SREBF2: variants seen among roughly 807,000 people sequenced by gnomAD.
SREBF2 encodes sterol regulatory element-binding protein 2.
A neutral mutation model predicts 113.1 loss-of-function variants in SREBF2; 55 were observed. The ratio of observed to expected loss-of-function variants is 0.49; its 90% CI spans 0.39 to 0.61. SREBF2 has a LOEUF of 0.61. Among genes scored for constraint, SREBF2 ranks in the 20% least tolerant of loss-of-function variants. The probability of loss-of-function intolerance (pLI) is 0.00; values close to 1 mark genes in which losing one functional copy is unlikely to be tolerated. For missense variants in SREBF2, 1,349 were observed against 1,487.4 expected, an observed-to-expected ratio of 0.91 and a Z score of 1.53; for synonymous variants, 593 against 605.7, an observed-to-expected ratio of 0.98 and a Z score of 0.31.
At chr22:41,859,729 A>G (rs1362321143) in intron 1 of SREBF2, among the ~76,000 whole-genome samples, 1 of 151,350 alleles carries the variant, frequency 6.6e-6, no homozygotes, top group Non-Finnish European at 1.5e-5. Flanking sequence ...GCCACAATGT[A>G]CAGTTGAGAA....
chr22:41,850,770 A>C (rs2076920816), intron 1 of SREBF2, among the ~76,000 whole-genome samples: 1 of 151,694 alleles, frequency 6.6e-6, no homozygotes, highest in African/African-American at 2.4e-5. Context: ...TTTTTGAGAT[A>C]GCCTCTGTCC....
chr22:41,891,960 C>G lies in SREBF2; in HGVS notation c.2209-1157C>G, dbSNP rs566009163. On this transcript the variant is annotated intron_variant, in intron 11 of 18. Coordinates refer to ENST00000361204, the MANE Select transcript of SREBF2 (RefSeq NM_004599.4). ...CAGTGGGGTCCTGGAATGATGTTAT[C>G]CCGGCAAGTGGAGGAGGGGCCCAGT... 1.2e-4 allele frequency among the ~76,000 whole-genome samples: 18 copies of G among 152,316 alleles called. No individual in the cohort carries two copies. In the East Asian group the frequency reaches 3.1e-3, roughly 26 times the overall value.
In SREBF2 at chr22:41,905,803, C is replaced by T. The variant is rs1013004182; in HGVS notation, c.*143C>T. On this transcript the variant is annotated 3_prime_UTR_variant, in exon 19 of 19. Coordinates refer to ENST00000361204, the MANE Select transcript of SREBF2 (RefSeq NM_004599.4). ...CTTCTGGGCCACTCAGGCCAGTGCA[C>T]CCCTGGGCAGAGCCCCTTAAAGCTG... is the stretch of plus-strand genomic sequence containing the variant. The T allele has an allele frequency of 8.5e-6, 8 of 941,748 alleles. No homozygotes were observed. Among genetic ancestry groups the T allele is most frequent in the African/African-American group, 4.9e-5 (3 of 61,428 alleles). The allele number at this position is 941,748 out of a possible 1,614,324, so 58.3% of individuals were successfully genotyped here.
At chr22:41,849,092 C>T (rs1488173221) in intron 1 of SREBF2, among the ~76,000 whole-genome samples, 1 of 152,156 alleles carries the variant, frequency 6.6e-6, no homozygotes, top group African/African-American at 2.4e-5. Flanking sequence ...ACAGCAACAA[C>T]AGCTTTTTAA....
chr22:41,878,378 G>A (rs1203201660), intron 9 of SREBF2, among the ~76,000 whole-genome samples: 1 of 152,156 alleles, frequency 6.6e-6, no homozygotes, highest in Non-Finnish European at 1.5e-5. Context: ...GGCTTGAGCG[G>A]GGCTGCCAAG....
In SREBF2 at chr22:41,875,471, G is replaced by T. The variant is rs770365369; in HGVS notation, c.1204+20G>T. On this transcript the variant is annotated intron_variant, in intron 6 of 18. Transcript: ENST00000361204. ...AGAACAGTAAGTGTGCTGAGAAAAG[G>T]CTTGTCAGCCCTGGCCCAGGTGGGG... 3.1e-6 allele frequency: 5 copies of T among 1,614,192 alleles called. No individual in the cohort carries two copies. Among genetic ancestry groups the T allele is most frequent in the Non-Finnish European group, 4.2e-6 (5 of 1,180,004 alleles).
intron 11 of SREBF2, among the ~76,000 whole-genome samples, chr22:41,890,001 GAA>G (rs1369938190): frequency 1.3e-5 from 2 of 151,480 alleles, no homozygotes; most frequent in Non-Finnish European, 2.9e-5. Context: ...TCAAAAGAAA[GAA>G]AGAGAGAGAA....
chr22:41,883,723 G>A (rs1171630664), intron 10 of SREBF2, among the ~76,000 whole-genome samples: 2 of 152,178 alleles, frequency 1.3e-5, no homozygotes, highest in East Asian at 3.9e-4. Flanking sequence ...GAGTGTGGAG[G>A]CTGAGATCTC....
chr22:41,904,955 C>G lies in SREBF2; in HGVS notation c.3186C>G (p.Thr1062=). 6.3e-7 allele frequency: 1 copy of G among 1,597,852 alleles called. No homozygotes were observed. The highest frequency in any genetic ancestry group is 1.3e-5 in the African/African-American group (1 of 74,934). The change falls in exon 18 of 19, where the codon ACC becomes ACG. Residue 1062 remains threonine (T), a synonymous_variant. Coordinates refer to ENST00000361204, the MANE Select transcript of SREBF2 (RefSeq NM_004599.4). ...TGGAACACAGCCTGCGGCGGCGCAC[C>G]ACGCAGAGCACCAAGCACGGTGAGT... ...QLLEHSLRRR[T]TQSTKHGEVD...
rs1359736022 is a variant in SREBF2 at position 41,893,111 on chromosome 22, C to A, written c.2209-6C>A. 6.2e-7 allele frequency: 1 copy of A among 1,613,092 alleles called. No homozygotes were observed. The highest frequency in any genetic ancestry group is 1.7e-5 in the Admixed American group (1 of 60,030). ...GGTGTTACCCCTGGTCCTTGTCCTT[C>A]CACAGAGCTACTTCCTCAGCCGAGC... On this transcript the variant is annotated splice_region_variant and splice_polypyrimidine_tract_variant and intron_variant, in intron 11 of 18. Transcript: ENST00000361204.
intron 11 of SREBF2, among the ~76,000 whole-genome samples, chr22:41,892,649 A>G (rs1032860273): frequency 1.1e-4 from 15 of 139,934 alleles, no homozygotes; most frequent in African/African-American, 4.2e-4. Flanking sequence ...CTCCGTCTCA[A>G]AAAAAAAAAA....
intron 1 of SREBF2, among the ~76,000 whole-genome samples, chr22:41,847,919 TA>T (rs199809957): frequency 2.0e-4 from 14 of 69,792 alleles, no homozygotes; most frequent in African/African-American, 2.5e-4. Context: ...TTATTATTAT[TA>T]TTTTTTTTTT....
At chr22:41,890,203 A>G (rs558503959) in intron 11 of SREBF2, among the ~76,000 whole-genome samples, 8 of 152,284 alleles carry the variant, frequency 5.3e-5, no homozygotes, top group Non-Finnish European at 1.2e-4. Flanking sequence ...GCACACCTCA[A>G]GCTTTGGAAT....
chr22:41,864,327 T>A (rs28869235), intron 1 of SREBF2, among the ~76,000 whole-genome samples: 1,326 of 98,838 alleles, frequency 0.013, 56 homozygotes, highest in African/African-American at 0.051. Context: ...ATATATATTT[T>A]TTTTTTTTTT....
Position 41,903,050 on chromosome 22 carries a change from T to C in SREBF2, c.2988T>C (p.Ala996=). 6.2e-7 allele frequency: 1 copy of C among 1,607,812 alleles called. No individual in the cohort carries two copies. Among genetic ancestry groups the C allele is most frequent in the Non-Finnish European group, 8.5e-7 (1 of 1,177,438 alleles). The change falls in exon 17 of 19, where the codon GCT becomes GCC. Residue 996 remains alanine (A), a synonymous_variant. Coordinates refer to ENST00000361204, the MANE Select transcript of SREBF2 (RefSeq NM_004599.4). ...AAAAACAGGCCAGTGCCAGCCAGGC[T>C]GTGGGGGAGACCTACCACGCGTCAG... is the stretch of plus-strand genomic sequence containing the variant. The part of the protein sequence containing the change: ...LWQKQASASQ[A]VGETYHASGA...
chr22:41,850,210 G>A (rs893479259), intron 1 of SREBF2, among the ~76,000 whole-genome samples: 4 of 152,070 alleles, frequency 2.6e-5, no homozygotes, highest in African/African-American at 9.7e-5. Flanking sequence ...AGCACTTTGG[G>A]AGGCCGAGGC....
At chr22:41,847,824 A>C (rs1475781968) in intron 1 of SREBF2, among the ~76,000 whole-genome samples, 2 of 152,062 alleles carry the variant, frequency 1.3e-5, no homozygotes, top group Non-Finnish European at 2.9e-5. Context: ...TAATTCCTGT[A>C]CTTTTTAAAA....
chr22:41,868,032 C>T (rs780908876), intron 2 of SREBF2, among the ~76,000 whole-genome samples: 4 of 152,174 alleles, frequency 2.6e-5, no homozygotes, highest in Non-Finnish European at 5.9e-5. Context: ...ATGCTGGGCC[C>T]TTAGTATGTG....
intron 13 of SREBF2, among the ~76,000 whole-genome samples, chr22:41,895,811 C>A (rs911877754): frequency 2.6e-5 from 4 of 152,014 alleles, no homozygotes; most frequent in African/African-American, 9.7e-5. Context: ...CATTAGCTTG[C>A]TCTGCTTTTT....
Sources: gnomAD v4.1 joint callset for allele counts (sites outside exome capture counted in the v4.1 genomes callset) on GRCh38, gnomAD v4.1.1 for gene constraint, MANE v1.5 for transcripts, NCBI Gene and HGNC (gene_info 2026-07-23, HGNC 2026-07-21) for gene names.